LRRC53: variants seen among roughly 807,000 people sequenced by gnomAD.
The protein encoded by LRRC53 is leucine-rich repeat-containing protein 53.
A neutral mutation model predicts 13.6 loss-of-function variants in LRRC53; 25 were observed. That is an observed-to-expected ratio of 1.83 (90% CI 1.34 to 2.56). The LOEUF (loss-of-function observed/expected upper bound fraction) is 2.56, where lower values mean the gene tolerates loss of function less well. LRRC53 is among the 30% of genes most tolerant of loss of function. LRRC53 has a pLI of 0.00. For missense variants in LRRC53, 527 were observed against 275.8 expected, an observed-to-expected ratio of 1.91 and a Z score of -6.45; for synonymous variants, 204 against 109.8, an observed-to-expected ratio of 1.86 and a Z score of -5.37.
chr1:74,533,507 T>A, the LRRC53 span, among the ~76,000 whole-genome samples: 5 of 151,320 alleles, frequency 3.3e-5, no homozygotes, highest in African/African-American at 9.7e-5. Flanking sequence ...AGTGTGGTGA[T>A]TCCTCAGGGA....
At chr1:74,523,345 G>T in the LRRC53 span, among the ~76,000 whole-genome samples, 1 of 152,004 alleles carries the variant, frequency 6.6e-6, no homozygotes, top group African/African-American at 2.4e-5. Flanking sequence ...CATGATATTT[G>T]TGTTTTTCTA....
intron 3 of LRRC53, among the ~76,000 whole-genome samples, chr1:74,476,136 C>T (rs1007861888): frequency 2.6e-5 from 4 of 152,146 alleles, no homozygotes; most frequent in Admixed American, 1.3e-4. Context: ...TTTCGGTCTA[C>T]GTCACCTCCT....
chr1:74,471,958 C>T lies in LRRC53; in HGVS notation c.1664G>A (p.Cys555Tyr), dbSNP rs1393423915. Residue 555 changes from cysteine (C) to tyrosine (Y), a missense_variant, in exon 5 of 5, where the codon TGT becomes TAT. Transcript: ENST00000294635. ...QKNRSKYDDP[C>Y]GLLKQSKPRY... Reference sequence around the variant, plus strand: ...AGGTTTGCTCTGTTTTAACAGTCCACAAGGATCATCATATTTTGATCTATT... The same window carrying T: ...AGGTTTGCTCTGTTTTAACAGTCCATAAGGATCATCATATTTTGATCTATT... The T allele has an allele frequency of 1.6e-6, 1 of 612,502 alleles. No individual in the cohort carries two copies. The highest frequency in any genetic ancestry group is 1.9e-5 in the African/African-American group (1 of 53,832). 37.9% of individuals were successfully genotyped at this position (612,502 alleles called of 1,614,324 possible). A position where few individuals can be genotyped will look rare whatever the true frequency, so the allele number is the denominator to read the frequency against.
Position 74,475,577 on chromosome 1 carries a change from G to T in LRRC53, c.1138C>A (p.Gln380Lys). Reference sequence around the variant, plus strand: ...GATGTTGCTTGATGGCTATTTTCCTGTAAAAGTGGCATTTCTTTTCTGGAC... The same window carrying T: ...GATGTTGCTTGATGGCTATTTTCCTTTAAAAGTGGCATTTCTTTTCTGGAC... Reference protein sequence around the residue: ...VGSRKEMPLLQENSHQATSAS... With the variant: ...VGSRKEMPLLKENSHQATSAS... Residue 380 changes from glutamine (Q) to lysine (K), a missense_variant, in exon 4 of 5, where the codon CAG (glutamine) becomes AAG (lysine). Physicochemically the swap from Gln to Lys is moderately conservative, Grantham distance 53. Transcript: ENST00000294635. The T allele has an allele frequency of 2.8e-6, 2 of 717,362 alleles. No homozygotes were observed. Among genetic ancestry groups the T allele is most frequent in the Non-Finnish European group, 5.2e-6 (2 of 384,956 alleles). 44.4% of individuals were successfully genotyped at this position (717,362 alleles called of 1,614,324 possible).
rs867174763 is a variant in LRRC53 at position 74,475,316 on chromosome 1, G to A, written c.1399C>T (p.His467Tyr). The change falls in exon 4 of 5, where the codon CAC becomes TAC. Residue 467 changes from histidine (H) to tyrosine (Y), a missense_variant. Transcript: ENST00000294635. Reference sequence around the variant, plus strand: ...TCACCTTCTGTTCTTATTATATGGTGTTGCAGAGTTTGAGGCTGGACTTCT... The same window carrying A: ...TCACCTTCTGTTCTTATTATATGGTATTGCAGAGTTTGAGGCTGGACTTCT... ...PGEVQPQTLQ[H>Y]HIIRTEDISS... The A allele has an allele frequency of 2.9e-6, 2 of 695,696 alleles. No homozygotes were observed. The highest frequency in any genetic ancestry group is 2.4e-4 in the Middle Eastern group (1 of 4,220). 43.1% of individuals were successfully genotyped at this position (695,696 alleles called of 1,614,324 possible).
chr1:74,516,435 A>G (rs1402792599), upstream of LRRC53, among the ~76,000 whole-genome samples: 1 of 152,218 alleles, frequency 6.6e-6, no homozygotes, highest in Non-Finnish European at 1.5e-5. Flanking sequence ...GTACAATACA[A>G]GGCATGAGGT....
intron 1 of LRRC53, among the ~76,000 whole-genome samples, chr1:74,498,284 T>C (rs536233999): frequency 1.3e-5 from 2 of 152,262 alleles, no homozygotes; most frequent in South Asian, 4.1e-4. Flanking sequence ...TTAACCAGCC[T>C]TCAGTAATTA....
intron 1 of LRRC53, among the ~76,000 whole-genome samples, chr1:74,499,458 G>T (rs1194833268): frequency 6.6e-6 from 1 of 152,128 alleles, no homozygotes; most frequent in Non-Finnish European, 1.5e-5. Flanking sequence ...AAAGTATGTT[G>T]TTGTAATTGT....
At chr1:74,472,308 A>G (rs1667976174) in intron 4 of LRRC53, 107 bp from the exon 5 acceptor site, 1 of 617,434 alleles carries the variant, frequency 1.6e-6, no homozygotes, top group Non-Finnish European at 2.9e-6. Context: ...CTCCTCTGAT[A>G]ATTGCAGTTC....
intron 2 of LRRC53, among the ~76,000 whole-genome samples, chr1:74,482,268 A>G (rs865949600): frequency 6.6e-6 from 1 of 152,134 alleles, no homozygotes; most frequent in Non-Finnish European, 1.5e-5. Context: ...CATCCATTTT[A>G]TTCTCTGTAT....
intron 1 of LRRC53, among the ~76,000 whole-genome samples, chr1:74,504,412 G>A (rs926147228): frequency 7.2e-5 from 11 of 152,098 alleles, no homozygotes; most frequent in Admixed American, 7.2e-4. Flanking sequence ...GAGACTTCAC[G>A]CCGAACAAAG....
At chr1:74,503,152 T>C (rs967883193) in intron 1 of LRRC53, among the ~76,000 whole-genome samples, 2 of 152,180 alleles carry the variant, frequency 1.3e-5, no homozygotes, top group African/African-American at 4.8e-5. Flanking sequence ...TTAGCTGACA[T>C]TTGTGGGCAA....
chr1:74,509,541 C>T (rs1276410776), intron 1 of LRRC53, among the ~76,000 whole-genome samples: 3 of 151,942 alleles, frequency 2.0e-5, no homozygotes, highest in Admixed American at 6.6e-5. Flanking sequence ...AAATCGTATA[C>T]TCTTTTCTTC....
At chr1:74,533,691 A>C in the LRRC53 span, among the ~76,000 whole-genome samples, 49,058 of 151,342 alleles carry the variant, frequency 0.32, 9,385 homozygotes, top group East Asian at 0.64. Flanking sequence ...GACTGGATTA[A>C]GAAAATGTGG....
the LRRC53 span, among the ~76,000 whole-genome samples, chr1:74,528,909 A>C: frequency 1.3e-5 from 2 of 152,228 alleles, no homozygotes; most frequent in East Asian, 1.9e-4. Flanking sequence ...GGTACAAAAC[A>C]AGAAAATAAG....
the LRRC53 span, among the ~76,000 whole-genome samples, chr1:74,533,841 T>C: frequency 6.6e-6 from 1 of 152,198 alleles, no homozygotes; most frequent in Admixed American, 6.5e-5. Flanking sequence ...ATGTTCTCAC[T>C]CATAGGTGGG....
chr1:74,496,653 G>T (rs946556195), intron 1 of LRRC53, among the ~76,000 whole-genome samples: 12 of 152,078 alleles, frequency 7.9e-5, no homozygotes, highest in Non-Finnish European at 1.6e-4. Context: ...GTGCAAAATT[G>T]TGTCAGAGAT....
At chr1:74,481,075 G>A in intron 2 of LRRC53, 107 bp from the exon 3 acceptor site, 1 of 591,530 alleles carries the variant, frequency 1.7e-6, no homozygotes. Context: ...TTATCACCTG[G>A]GTAAAAACAA....
chr1:74,482,326 G>A (rs1020763607), intron 2 of LRRC53, among the ~76,000 whole-genome samples: 1 of 152,062 alleles, frequency 6.6e-6, no homozygotes, highest in Non-Finnish European at 1.5e-5. Context: ...ATGAGAAGGG[G>A]GATATAGAGA....
Sources: allele counts gnomAD v4.1 joint callset (sites outside exome capture counted in the v4.1 genomes callset), GRCh38; gene constraint gnomAD v4.1.1; transcripts MANE v1.5; gene names NCBI Gene and HGNC (gene_info 2026-07-23, HGNC 2026-07-21).